The following PRSS56 variants were observed in gnomAD, a reference collection of about 807,000 sequenced individuals.
PRSS56 encodes serine protease 56.
In PRSS56, 55 loss-of-function variants were observed where a neutral mutation model predicts 66.8. The observed-to-expected ratio is 0.82, with a 90% CI of 0.66 to 1.03. PRSS56 has a LOEUF of 1.03. Ranked by LOEUF, PRSS56 falls within the 50% of genes least tolerant of loss-of-function variation. The pLI, the probability that PRSS56 is intolerant of heterozygous loss-of-function variation, is 0.00. For missense variants in PRSS56, 869 were observed against 837.2 expected (o/e 1.04, Z -0.47); for synonymous variants, 409 against 387.9 (o/e 1.05, Z -0.64).
Position 232,522,866 on chromosome 2 carries a change from T to C in PRSS56, c.706+5T>C. 1.4e-6 allele frequency: 2 copies of C among 1,452,680 alleles called. No homozygotes were observed. Among genetic ancestry groups the C allele is most frequent in the Non-Finnish European group, 1.8e-6 (2 of 1,104,072 alleles). 90.0% of individuals were successfully genotyped at this position (1,452,680 alleles called of 1,614,324 possible). A position where few individuals can be genotyped will look rare whatever the true frequency, so the allele number is the denominator to read the frequency against. ...GCTGGGGCGCCCTCTTCGAAGGTAC[T>C]GGGCGTGGGTGAGCCGGCGCGTGGT... is the stretch of plus-strand genomic sequence containing the variant. On this transcript the variant is annotated splice_donor_5th_base_variant and intron_variant, in intron 6 of 12. Coordinates refer to ENST00000617714, the MANE Select transcript of PRSS56 (RefSeq NM_001195129.2).
Position 232,524,854 on chromosome 2 carries a change from C to T in PRSS56, c.1521+10C>T, listed in dbSNP as rs142661322. The T allele has an allele frequency of 6.3e-4, 959 of 1,525,362 alleles. 10 individuals carry two copies. The African/African-American group carries it at 0.011, about 18-fold the overall frequency. 94.5% of individuals were successfully genotyped at this position (1,525,362 alleles called of 1,614,324 possible). On this transcript the variant is annotated intron_variant, in intron 12 of 12. Coordinates refer to ENST00000617714, the MANE Select transcript of PRSS56 (RefSeq NM_001195129.2). ...CATGAACTTTCATGAGGTAGGTCCC[C>T]AGGCTTCCAGACTCCTTCACGATGG...
Position 232,524,370 on chromosome 2 carries a change from G to A in PRSS56, c.1414+1G>A, listed in dbSNP as rs1691362829. On this transcript the variant is annotated splice_donor_variant, in intron 11 of 12. Transcript: ENST00000617714. LOFTEE classifies it high-confidence loss of function. Reference sequence around the variant, plus strand: ...CCGGAGCCGCGCGGAGAAGCCAACGGTAATGACGCCCCCTGCCGACCTTCA... The same window carrying A: ...CCGGAGCCGCGCGGAGAAGCCAACGATAATGACGCCCCCTGCCGACCTTCA... The A allele has an allele frequency of 3.3e-6, 5 of 1,534,980 alleles. No homozygotes were observed. In the East Asian group the frequency reaches 1.2e-4, roughly 38 times the overall value.
In PRSS56 at chr2:232,522,943, T is replaced by C; in HGVS notation, c.706+82T>C. On this transcript the variant is annotated intron_variant, in intron 6 of 12. Transcript: ENST00000617714. The stretch of plus-strand genomic sequence containing the variant: ...AGAGTGTAGGGAGGCCGGGTTGCCT[T>C]GGAAAAATGCTGCCTGCTCTTTCAA... 3 of 1,421,968 alleles carry C rather than the reference T, an allele frequency of 2.1e-6. No individual in the cohort carries two copies. The South Asian group carries it at 4.3e-5, about 21-fold the overall frequency. The allele number at this position is 1,421,968 out of a possible 1,614,324, so 88.1% of individuals were successfully genotyped here.
In PRSS56 at chr2:232,524,746, GGGCTGGAGCCCCTGC is replaced by G; in HGVS notation, c.1425_1439del (p.Leu476_Arg480del). ...CTCTCCTCTTCCTCCAGGCTGCCCT[GGGCTGGAGCCCCTGC>G]GACAGAAGTTGGCTGCCCTGCAGGG... is the stretch of plus-strand genomic sequence containing the variant. On this transcript the variant is annotated inframe_deletion, in exon 12 of 13. Coordinates refer to ENST00000617714, the MANE Select transcript of PRSS56 (RefSeq NM_001195129.2). 6.6e-7 allele frequency: 1 copy of G among 1,525,498 alleles called. No individual in the cohort carries two copies. Among genetic ancestry groups the G allele is most frequent in the Non-Finnish European group, 8.8e-7 (1 of 1,138,712 alleles). The allele number at this position is 1,525,498 out of a possible 1,614,324, so 94.5% of individuals were successfully genotyped here. A position where few individuals can be genotyped will look rare whatever the true frequency, so the allele number is the denominator to read the frequency against.
At position 232,523,983 on chromosome 2, in the gene PRSS56, G is replaced by A. The variant is rs1691342047; in HGVS notation, c.1186+38G>A. ...CACCCGGACCCGGACGGGGGGCAGA[G>A]GGGAGGGGGCCTGGCCAGCCTCTGA... On this transcript the variant is annotated intron_variant, in intron 9 of 12. Transcript: ENST00000617714. 3.9e-6 allele frequency: 6 copies of A among 1,523,466 alleles called. No individual in the cohort carries two copies. The Middle Eastern group carries it at 7.2e-4, about 183-fold the overall frequency. The allele number at this position is 1,523,466 out of a possible 1,614,324, so 94.4% of individuals were successfully genotyped here. A position where few individuals can be genotyped will look rare whatever the true frequency, so the allele number is the denominator to read the frequency against.
Position 232,523,523 on chromosome 2 carries a change from C to T in PRSS56, c.957C>T (p.Pro319=). 1 of 1,532,940 alleles carries T rather than the reference C, an allele frequency of 6.5e-7. No individual in the cohort carries two copies. Among genetic ancestry groups the T allele is most frequent in the Non-Finnish European group, 8.7e-7 (1 of 1,145,702 alleles). 95.0% of individuals were successfully genotyped at this position (1,532,940 alleles called of 1,614,324 possible). Residue 319 remains proline (P), a synonymous_variant, in exon 8 of 13, where the codon CCC becomes CCT. Transcript: ENST00000617714. The part of the protein sequence containing the change: ...WGDGCGEPGK[P]GVYTRVAVFK... The stretch of plus-strand genomic sequence containing the variant: ...ACGGCTGCGGGGAGCCAGGGAAGCC[C>T]GGGGTCTACACCCGCGTGGCAGTGT...
chr2:232,525,382 G>A lies in PRSS56; in HGVS notation c.1688G>A (p.Arg563His), dbSNP rs1225604337. The A allele has an allele frequency of 7.2e-6, 11 of 1,533,582 alleles. No homozygotes were observed. The highest frequency in any genetic ancestry group is 2.7e-5 in the African/African-American group (2 of 72,954). The allele number at this position is 1,533,582 out of a possible 1,614,324, so 95.0% of individuals were successfully genotyped here. The change falls in exon 13 of 13, where the codon CGC becomes CAC. Residue 563 changes from arginine to histidine, a missense_variant. By Grantham distance (29) the Arg-to-His change is conservative. Transcript: ENST00000617714. ...CTGGTGCAGGCCCTGCAGGCCTTCC[G>A]CGTGGCTGCCCTGGCAGAAGGGGAG... Reference protein sequence around the residue: ...RLLVQALQAFRVAALAEGEPE... With the variant: ...RLLVQALQAFHVAALAEGEPE...
At chr2:232,524,520 C>G (rs1691371993) in intron 11 of PRSS56, among the ~76,000 whole-genome samples, 151 bp downstream of exon 11, 1 of 152,250 alleles carries the variant, frequency 6.6e-6, no homozygotes, top group Admixed American at 6.5e-5. Flanking sequence ...GCGTATGACT[C>G]TTTTGGAGTA....
At chr2:232,522,341 G>A (rs1308133674) in intron 4 of PRSS56, among the ~76,000 whole-genome samples, 174 bp from the exon 5 acceptor site, 2 of 152,130 alleles carry the variant, frequency 1.3e-5, no homozygotes, top group African/African-American at 2.4e-5. Flanking sequence ...CAGCCCGGAG[G>A]GGGTGGCACG....
In PRSS56 at chr2:232,523,933, C is replaced by A. The variant is rs779698018; in HGVS notation, c.1174C>A (p.Arg392=). ...GGCGCACCAGCAGTGCCTGCAGCGCCGGCGGCGATGCGGTCAGTTCTGTTC... is the reference window on the plus strand; with the variant it reads ...GGCGCACCAGCAGTGCCTGCAGCGCAGGCGGCGATGCGGTCAGTTCTGTTC... ...RLAHQQCLQR[R]RRCELRSLAH... Residue 392 remains arginine, a synonymous_variant, in exon 9 of 13, where the codon CGG becomes AGG. Coordinates refer to ENST00000617714, the MANE Select transcript of PRSS56 (RefSeq NM_001195129.2). 4.6e-6 allele frequency: 7 copies of A among 1,506,904 alleles called. No individual in the cohort carries two copies. The highest frequency in any genetic ancestry group is 1.8e-4 in the Middle Eastern group (1 of 5,498). 93.3% of individuals were successfully genotyped at this position (1,506,904 alleles called of 1,614,324 possible). A position where few individuals can be genotyped will look rare whatever the true frequency, so the allele number is the denominator to read the frequency against.
At chr2:232,523,339 A>G (rs1470113692) in intron 7 of PRSS56, 77 bp from the exon 8 acceptor site, 7 of 1,425,050 alleles carry the variant, frequency 4.9e-6, no homozygotes, top group Non-Finnish European at 6.4e-6. Flanking sequence ...CACAAGTGGC[A>G]AGCTCACACC....
Position 232,523,499 on chromosome 2 carries a change from C to A in PRSS56, c.933C>A (p.Asp311Glu). ...EVLFGVTSWG[D>E]GCGEPGKPGV... ...TGTTCGGAGTCACCTCCTGGGGGGA[C>A]GGCTGCGGGGAGCCAGGGAAGCCCG... Residue 311 changes from aspartate to glutamate, a missense_variant, in exon 8 of 13, where the codon GAC becomes GAA. Physicochemically the swap from Asp to Glu is conservative, Grantham distance 45. Transcript: ENST00000617714. The A allele has an allele frequency of 6.5e-7, 1 of 1,531,124 alleles. No homozygotes were observed. The highest frequency in any genetic ancestry group is 8.7e-7 in the Non-Finnish European group (1 of 1,144,648). The allele number at this position is 1,531,124 out of a possible 1,614,324, so 94.8% of individuals were successfully genotyped here.
intron 4 of PRSS56, 53 bp from the exon 5 acceptor site, chr2:232,522,462 C>A: frequency 7.0e-7 from 1 of 1,438,098 alleles, no homozygotes; most frequent in Non-Finnish European, 9.3e-7. Context: ...TCCGAGGGGC[C>A]TGCGGGGTGT....
chr2:232,522,673 T>C, intron 5 of PRSS56, 29 bp from the exon 6 acceptor site: 3 of 1,533,500 alleles, frequency 2.0e-6, no homozygotes, highest in Middle Eastern at 1.7e-4. Context: ...CCGTGCTTCC[T>C]TGACCCTGCG....
In PRSS56 at chr2:232,523,068, G is replaced by A. The variant is rs1297352636; in HGVS notation, c.715G>A (p.Glu239Lys). The change falls in exon 7 of 13, where the codon GAG becomes AAG. Residue 239 changes from glutamate (E) to lysine (K), a missense_variant. Physicochemically the swap from Glu to Lys is moderately conservative, Grantham distance 56. Coordinates refer to ENST00000617714, the MANE Select transcript of PRSS56 (RefSeq NM_001195129.2). Reference protein sequence around the residue: ...GWGALFEDGPEAEAVREARVP... With the variant: ...GWGALFEDGPKAEAVREARVP... ...CCACCCCTTCCCTGCAGACGGGCCTGAGGCTGAAGCAGTGAGAGAGGCCCG... is the reference window on the plus strand; with the variant it reads ...CCACCCCTTCCCTGCAGACGGGCCTAAGGCTGAAGCAGTGAGAGAGGCCCG... 2.6e-6 allele frequency: 4 copies of A among 1,534,936 alleles called. No homozygotes were observed. Among genetic ancestry groups the A allele is most frequent in the East Asian group, 2.4e-5 (1 of 40,894 alleles).
At position 232,525,289 on chromosome 2, in the gene PRSS56, G is replaced by C; in HGVS notation, c.1595G>C (p.Arg532Pro). 6.6e-7 allele frequency: 1 copy of C among 1,522,476 alleles called. No homozygotes were observed. Among genetic ancestry groups the C allele is most frequent in the Non-Finnish European group, 8.8e-7 (1 of 1,138,380 alleles). The allele number at this position is 1,522,476 out of a possible 1,614,324, so 94.3% of individuals were successfully genotyped here. A position where few individuals can be genotyped will look rare whatever the true frequency, so the allele number is the denominator to read the frequency against. ...TGGGTGCGGGCAGGCTTGGGGGGCCGGCATGTGGCCTTCAGCGGCCTGGTG... is the reference window on the plus strand; with the variant it reads ...TGGGTGCGGGCAGGCTTGGGGGGCCCGCATGTGGCCTTCAGCGGCCTGGTG... ...RAWVRAGLGG[R>P]HVAFSGLVGL... The change falls in exon 13 of 13, where the codon CGG (arginine) becomes CCG (proline). Residue 532 changes from arginine to proline, a missense_variant. By Grantham distance (103) the Arg-to-Pro change is moderately radical (BLOSUM62 -2). Coordinates refer to ENST00000617714, the MANE Select transcript of PRSS56 (RefSeq NM_001195129.2).
Position 232,520,516 on chromosome 2 carries a change from C to T in PRSS56, c.-83C>T, listed in dbSNP as rs920338423. 13 of 1,096,170 alleles carry T rather than the reference C, an allele frequency of 1.2e-5. No individual in the cohort carries two copies. Among genetic ancestry groups the T allele is most frequent in the Admixed American group, 6.0e-5 (3 of 50,212 alleles). The allele number at this position is 1,096,170 out of a possible 1,614,324, so 67.9% of individuals were successfully genotyped here. On this transcript the variant is annotated 5_prime_UTR_variant, in exon 1 of 13. Transcript: ENST00000617714. ...CCGGGGGCCGAAAGGCAGCAGAAGGCGGGCACCAAAGGATAGGCACCCGGA... is the reference window on the plus strand; with the variant it reads ...CCGGGGGCCGAAAGGCAGCAGAAGGTGGGCACCAAAGGATAGGCACCCGGA...
chr2:232,524,382 C>G lies in PRSS56; in HGVS notation c.1414+13C>G. 1 of 1,534,068 alleles carries G rather than the reference C, an allele frequency of 6.5e-7. No homozygotes were observed. The highest frequency in any genetic ancestry group is 8.7e-7 in the Non-Finnish European group (1 of 1,145,956). On this transcript the variant is annotated intron_variant, in intron 11 of 12. Transcript: ENST00000617714. ...GGAGAAGCCAACGGTAATGACGCCCCCTGCCGACCTTCAGGAGGGGATAGG... is the reference window on the plus strand; with the variant it reads ...GGAGAAGCCAACGGTAATGACGCCCGCTGCCGACCTTCAGGAGGGGATAGG...
In PRSS56 at chr2:232,524,116, C is replaced by A. The variant is rs1410425339; in HGVS notation, c.1264C>A (p.Arg422=). 5.9e-6 allele frequency: 9 copies of A among 1,513,864 alleles called. No homozygotes were observed. In the South Asian group the frequency reaches 9.8e-5, roughly 17 times the overall value. The allele number at this position is 1,513,864 out of a possible 1,614,324, so 93.8% of individuals were successfully genotyped here. A position where few individuals can be genotyped will look rare whatever the true frequency, so the allele number is the denominator to read the frequency against. The change falls in exon 10 of 13, where the codon CGG becomes AGG. Residue 422 remains arginine, a synonymous_variant. Transcript: ENST00000617714. Reference sequence around the variant, plus strand: ...GCTGCTCGGGCCTCGTCCGGGACTGCGGCGCCTGGCCCCCGCCCTGGCTCT... The same window carrying A: ...GCTGCTCGGGCCTCGTCCGGGACTGAGGCGCCTGGCCCCCGCCCTGGCTCT... ...QELLGPRPGL[R]RLAPALALPA...
Sources: gnomAD v4.1 joint callset for allele counts (sites outside exome capture counted in the v4.1 genomes callset) on GRCh38, gnomAD v4.1.1 for gene constraint, MANE v1.5 for transcripts, NCBI Gene and HGNC (gene_info 2026-07-23, HGNC 2026-07-21) for gene names.